Variants in CES4A observed in about 807,000 individuals in gnomAD.
The protein encoded by CES4A is carboxylesterase 4A.
Under a neutral mutation model 65.4 loss-of-function variants are expected in CES4A, and 48 were observed. The observed-to-expected ratio is 0.73, with a 90% CI of 0.58 to 0.93. CES4A has a LOEUF of 0.93. CES4A is among the 40% of genes least tolerant of loss of function. The pLI is 0.00. For missense variants in CES4A, 685 were observed against 728.5 expected (o/e 0.94, Z 0.69); for synonymous variants, 247 against 281.8 (o/e 0.88, Z 1.24).
Position 67,003,063 on chromosome 16 carries a change from C to G in CES4A, c.691-7C>G. On this transcript the variant is annotated splice_region_variant and splice_polypyrimidine_tract_variant and intron_variant, in intron 5 of 13. Transcript: ENST00000648724. This position sits in a 1 kb window ranked among gnomAD's most constrained non-coding sequence, Gnocchi z 4.2. ...TCTCACGGGTGTATTCCTCCCTGTT[C>G]TTGCAGATGATGTCACCCCTAGCCT... is the stretch of plus-strand genomic sequence containing the variant. The G allele has an allele frequency of 6.2e-7, 1 of 1,612,070 alleles. No homozygotes were observed. Among genetic ancestry groups the G allele is most frequent in the South Asian group, 1.1e-5 (1 of 91,032 alleles).
intron 2 of CES4A, 198 bp downstream of exon 2, chr16:66,996,027 G>A: frequency 1.4e-6 from 1 of 699,212 alleles, no homozygotes; most frequent in South Asian, 1.5e-5. Context: ...CAATGCTGCT[G>A]TTGGTTTTTG....
chr16:67,009,767 T>C (rs1966039156), downstream of CES4A: 1 of 152,334 alleles, frequency 6.6e-6, no homozygotes, highest in Admixed American at 6.5e-5. Flanking sequence ...AATGGGTGTG[T>C]GAAGTGAATG....
chr16:66,997,471 C>T (rs1292719813), intron 2 of CES4A, among the ~76,000 whole-genome samples: 1 of 151,830 alleles, frequency 6.6e-6, no homozygotes, highest in Non-Finnish European at 1.5e-5. Context: ...TGGGTAGTTA[C>T]GGGGGAGGTG....
At chr16:66,999,909 G>A (rs1170711761) in intron 2 of CES4A, among the ~76,000 whole-genome samples, 1 of 152,164 alleles carries the variant, frequency 6.6e-6, no homozygotes, top group African/African-American at 2.4e-5. Flanking sequence ...GCTGGGCAGG[G>A]CAGAAGGCAT....
intron 1 of CES4A, among the ~76,000 whole-genome samples, chr16:66,992,193 A>C (rs1284915182): frequency 6.6e-6 from 1 of 152,194 alleles, no homozygotes; most frequent in Non-Finnish European, 1.5e-5. Context: ...TCCCAAGTCC[A>C]GTGGAGAAGC....
Position 66,989,130 on chromosome 16 carries a change from C to T in CES4A, c.58+300C>T, listed in dbSNP as rs549573321. On this transcript the variant is annotated intron_variant, in intron 1 of 13. Coordinates refer to ENST00000648724, the Ensembl canonical transcript of CES4A. ...TCCCACCTTTTTCCTTCCTTCCATC[C>T]TTCTTTCCTTCTCCTAAGCAGGAGG... is the stretch of plus-strand genomic sequence containing the variant. 9.9e-5 allele frequency among the ~76,000 whole-genome samples: 15 copies of T among 152,170 alleles called. No individual in the cohort carries two copies. The East Asian group carries it at 2.5e-3, about 25-fold the overall frequency.
chr16:66,999,565 G>A (rs1380293102), intron 2 of CES4A, among the ~76,000 whole-genome samples: 6 of 152,230 alleles, frequency 3.9e-5, no homozygotes, highest in Non-Finnish European at 2.9e-5. Context: ...ACTTTGGGAG[G>A]CCGAGGTGGG....
In CES4A at chr16:67,003,082, CT is replaced by C. The variant is rs1383123313; in HGVS notation, c.704del (p.Leu235GlnfsTer27). Reference sequence around the variant, plus strand: ...CCTGTTCTTGCAGATGATGTCACCCCTAGCCTCGGGTCTCTTCCATCGGGCC... The same window carrying C: ...CCTGTTCTTGCAGATGATGTCACCCCAGCCTCGGGTCTCTTCCATCGGGCC... On this transcript the variant is annotated frameshift_variant, in exon 6 of 14. Transcript: ENST00000648724. LOFTEE classifies it high-confidence loss of function. The surrounding 1 kb of genome is among the most constrained non-coding windows in gnomAD (Gnocchi z 4.2). 1.9e-6 allele frequency: 3 copies of C among 1,613,964 alleles called. No homozygotes were observed. The highest frequency in any genetic ancestry group is 2.5e-6 in the Non-Finnish European group (3 of 1,179,960).
chr16:66,989,523 G>C (rs957847190), intron 1 of CES4A, among the ~76,000 whole-genome samples: 10 of 151,840 alleles, frequency 6.6e-5, no homozygotes, highest in Admixed American at 2.0e-4. Context: ...GTGAGACCTA[G>C]CCTGGGTAAA....
At chr16:66,991,699 T>C (rs1336478999) in intron 1 of CES4A, among the ~76,000 whole-genome samples, 1 of 152,236 alleles carries the variant, frequency 6.6e-6, no homozygotes, top group Non-Finnish European at 1.5e-5. Flanking sequence ...ACTGCTCTGA[T>C]GTAAGATACT....
At chr16:67,006,678 C>T in intron 12 of CES4A, 67 bp from the exon 13 acceptor site, 1 of 1,550,558 alleles carries the variant, frequency 6.4e-7, no homozygotes, top group South Asian at 1.1e-5. Flanking sequence ...GCAGAAGCAG[C>T]AGGAGTAGGG....
At chr16:66,995,648 C>T (rs766238040) in exon 2 of CES4A, 1 of 1,614,158 alleles carries the variant, frequency 6.2e-7, no homozygotes, top group Non-Finnish European at 8.5e-7. Context: ...CACCAAGAGG[C>T]CTCAAGTGGT....
In CES4A at chr16:67,000,080, A is replaced by T. The variant is rs1312081103; in HGVS notation, c.261-558A>T. ...TCCTGAGGGCAGTGGAGAGCCAGGG[A>T]AGATTTTTGTTGATTTGTTTGTTTT... On this transcript the variant is annotated intron_variant, in intron 2 of 13. Transcript: ENST00000648724. This position sits in a 1 kb window ranked among gnomAD's most constrained non-coding sequence, Gnocchi z 4.2. 1.3e-5 allele frequency among the ~76,000 whole-genome samples: 2 copies of T among 152,088 alleles called. No homozygotes were observed. Among genetic ancestry groups the T allele is most frequent in the Admixed American group, 1.3e-4 (2 of 15,264 alleles).
intron 2 of CES4A, chr16:66,996,141 G>A (rs1006987419): frequency 4.2e-5 from 20 of 474,652 alleles, no homozygotes; most frequent in African/African-American, 1.2e-4. Flanking sequence ...GGGTTCAAGC[G>A]AGTCTCCTGC....
At position 67,003,353 on chromosome 16, in the gene CES4A, A is replaced by G. The variant is rs768187849; in HGVS notation, c.893A>G (p.Asn298Ser). ...GGGACCAAGGTGATGCGTGTGTCCA[A>G]CAAGATGGTAGGTAGAACATTCCAG... is the stretch of plus-strand genomic sequence containing the variant. The change falls in exon 7 of 14, where the codon AAC (asparagine) becomes AGC (serine). Residue 298 changes from asparagine (N) to serine (S), a missense_variant. Asn to Ser is a conservative substitution (Grantham distance 46, BLOSUM62 1). Transcript: ENST00000648724. The surrounding 1 kb of genome is among the most constrained non-coding windows in gnomAD (Gnocchi z 4.2). The G allele has an allele frequency of 2.5e-6, 4 of 1,613,662 alleles. No homozygotes were observed. The African/African-American group carries it at 4.0e-5, about 16-fold the overall frequency.
chr16:66,993,026 A>G (rs1210021738), intron 1 of CES4A, among the ~76,000 whole-genome samples: 4 of 152,154 alleles, frequency 2.6e-5, no homozygotes, highest in Non-Finnish European at 5.9e-5. Flanking sequence ...CAAATAGACA[A>G]GGGCACTTCA....
intron 1 of CES4A, among the ~76,000 whole-genome samples, chr16:66,992,222 T>C (rs1441916883): frequency 6.6e-6 from 1 of 152,240 alleles, no homozygotes; most frequent in Non-Finnish European, 1.5e-5. Flanking sequence ...AAGAGCTTTG[T>C]AAACTGCAAA....
intron 9 of CES4A, among the ~76,000 whole-genome samples, 197 bp downstream of exon 9, chr16:67,004,421 G>C (rs567658363): frequency 6.6e-6 from 1 of 152,330 alleles, no homozygotes; most frequent in East Asian, 1.9e-4. Flanking sequence ...GGGAAGAAGG[G>C]AGAAGTATGG....
At chr16:67,005,494 C>A in intron 11 of CES4A, 101 bp downstream of exon 11, 1 of 1,135,706 alleles carries the variant, frequency 8.8e-7, no homozygotes, top group Non-Finnish European at 1.3e-6. Context: ...CCTCTCTGTA[C>A]TTCTGGGCTA....
Sources: allele counts gnomAD v4.1 joint callset (sites outside exome capture counted in the v4.1 genomes callset), GRCh38; gene constraint gnomAD v4.1.1; non-coding constraint Gnocchi (gnomAD v3.1); transcripts MANE v1.5; gene names NCBI Gene and HGNC (gene_info 2026-07-23, HGNC 2026-07-21).